The following BACH2 variants were observed in gnomAD, a reference collection of about 807,000 sequenced individuals.
BACH2 encodes the protein BACH transcriptional regulator 2.
In BACH2, 5 loss-of-function variants were observed where a neutral mutation model predicts 61.8. The observed-to-expected ratio is 0.08, with a 90% CI of 0.04 to 0.17. The LOEUF (loss-of-function observed/expected upper bound fraction) is 0.17, where lower values mean the gene tolerates loss of function less well. Among genes scored for constraint, BACH2 ranks in the 10% least tolerant of loss-of-function variants. BACH2 has a pLI of 1.00. For synonymous variants in BACH2, 446 were observed against 440.1 expected (o/e 1.01, Z -0.17); for missense variants, 824 against 1,091.1 (o/e 0.76, Z 3.45).
At chr6:90,001,793 T>C (rs1035815246) in intron 6 of BACH2, among the ~76,000 whole-genome samples, 2 of 152,168 alleles carry the variant, frequency 1.3e-5, no homozygotes, top group Admixed American at 6.5e-5. Context: ...AGTCTTCCTG[T>C]GTGTCTAGGA....
intron 5 of BACH2, among the ~76,000 whole-genome samples, chr6:90,076,946 A>G (rs934193208): frequency 1.3e-5 from 2 of 152,174 alleles, no homozygotes; most frequent in African/African-American, 4.8e-5. Flanking sequence ...TTAGCAATAA[A>G]CTTTAAAGCA....
At chr6:90,229,539 T>C (rs1018822014) in intron 3 of BACH2, among the ~76,000 whole-genome samples, 2 of 152,198 alleles carry the variant, frequency 1.3e-5, no homozygotes, top group Non-Finnish European at 1.5e-5. Context: ...GAGATTCTAA[T>C]GTGCATCAGA....
At chr6:90,199,302 G>A (rs1384577194) in intron 4 of BACH2, among the ~76,000 whole-genome samples, 2 of 152,154 alleles carry the variant, frequency 1.3e-5, no homozygotes, top group Non-Finnish European at 2.9e-5. Context: ...TGGGACTGAC[G>A]TAGAAGCATT....
intron 4 of BACH2, among the ~76,000 whole-genome samples, chr6:90,096,171 T>C (rs189848376): frequency 3.4e-4 from 52 of 152,362 alleles, no homozygotes; most frequent in Admixed American, 7.2e-4. Context: ...AAAATGGTTA[T>C]AGTTCATGAA....
intron 5 of BACH2, among the ~76,000 whole-genome samples, chr6:90,080,033 G>A (rs1030005511): frequency 6.6e-6 from 1 of 151,898 alleles, no homozygotes; most frequent in Non-Finnish European, 1.5e-5. Context: ...TGATCCGCAA[G>A]GCACGGGCAC....
At chr6:90,102,911 T>G (rs1782720704) in intron 4 of BACH2, among the ~76,000 whole-genome samples, 1 of 145,476 alleles carries the variant, frequency 6.9e-6, no homozygotes. Context: ...GCTAACCTAC[T>G]TCTTCTTTCC....
chr6:90,037,754 T>G (rs534143770), intron 5 of BACH2, among the ~76,000 whole-genome samples: 175 of 152,346 alleles, frequency 1.1e-3, no homozygotes, highest in African/African-American at 3.6e-3. Flanking sequence ...GTGGCCTTAT[T>G]TGGAAATAAT....
chr6:90,140,219 C>T (rs1318417620), intron 4 of BACH2, among the ~76,000 whole-genome samples: 4 of 152,186 alleles, frequency 2.6e-5, no homozygotes, highest in Admixed American at 2.0e-4. Context: ...ATAACTTAGT[C>T]GCATGGCCAG....
rs371610886 is a variant in BACH2, at chr6:89,983,965, T to A, written c.243+24637A>T. Among the ~76,000 whole-genome samples the A allele has an allele frequency of 1.1e-4, 16 of 152,358 alleles. 2 individuals carry two copies. The highest frequency in any genetic ancestry group is 6.5e-4 in the Admixed American group (10 of 15,306). ...CCGTTGCAACAACCTGGCTGTTGTC[T>A]CTTTCTTCCCCGATCCTTCCTTTGT... On this transcript the variant is annotated intron_variant, in intron 6 of 8. Transcript: ENST00000257749.
chr6:90,259,376 T>C (rs889411285), intron 2 of BACH2, among the ~76,000 whole-genome samples: 8 of 152,248 alleles, frequency 5.3e-5, no homozygotes, highest in African/African-American at 1.7e-4. Context: ...TCACTACTGA[T>C]TGATCTGCAG....
At chr6:90,049,656 T>G (rs575339076) in intron 5 of BACH2, among the ~76,000 whole-genome samples, 45 of 152,318 alleles carry the variant, frequency 3.0e-4, no homozygotes, top group African/African-American at 1.0e-3. Context: ...TATCAGTTCT[T>G]CACTACCATA....
intron 5 of BACH2, among the ~76,000 whole-genome samples, chr6:90,029,702 G>A (rs1778851093): frequency 1.3e-5 from 2 of 152,190 alleles, no homozygotes; most frequent in African/African-American, 2.4e-5. Context: ...ATCCCAACAG[G>A]TCCATATGTC....
chr6:90,172,305 CAAA>C (rs10713693), intron 4 of BACH2, among the ~76,000 whole-genome samples: 25 of 83,584 alleles, frequency 3.0e-4, no homozygotes, highest in Non-Finnish European at 3.1e-4. Flanking sequence ...GACTCCATCT[CAAA>C]AAAAAAAAAA....
Position 90,296,513 on chromosome 6 carries a change from C to G in BACH2, c.-479G>C, listed in dbSNP as rs2127898179. The G allele has an allele frequency of 6.6e-6, 1 of 151,802 alleles. No homozygotes were observed. Among genetic ancestry groups the G allele is most frequent in the South Asian group, 2.1e-4 (1 of 4,824 alleles). 9.4% of individuals were successfully genotyped at this position (151,802 alleles called of 1,614,324 possible). A position where few individuals can be genotyped will look rare whatever the true frequency, so the allele number is the denominator to read the frequency against. ...AGAACTTTGCGTCCTTTTCCGCCTC[C>G]TCTTCCCCGCGTCTTCCCGGCTCGC... On this transcript the variant is annotated 5_prime_UTR_variant, in exon 1 of 9. Coordinates refer to ENST00000257749, the MANE Select transcript of BACH2 (RefSeq NM_021813.4).
intron 6 of BACH2, among the ~76,000 whole-genome samples, chr6:89,974,404 A>G (rs758626177): frequency 1.3e-5 from 2 of 152,214 alleles, no homozygotes; most frequent in Admixed American, 1.3e-4. Context: ...TAAAAAAATC[A>G]TCATCATCAT....
intron 5 of BACH2, among the ~76,000 whole-genome samples, chr6:90,055,079 A>G (rs1335137904): frequency 3.3e-5 from 5 of 152,250 alleles, no homozygotes; most frequent in Non-Finnish European, 7.3e-5. Context: ...TCCTCCTTCA[A>G]AGGAACACAG....
intron 6 of BACH2, among the ~76,000 whole-genome samples, chr6:89,980,646 G>C (rs1162344905): frequency 6.6e-6 from 1 of 152,272 alleles, no homozygotes; most frequent in African/African-American, 2.4e-5. Context: ...TTGGCCCTGA[G>C]GACATTCACC....
chr6:90,117,517 T>C (rs1487170720), intron 4 of BACH2, among the ~76,000 whole-genome samples: 1 of 151,488 alleles, frequency 6.6e-6, no homozygotes, highest in African/African-American at 2.4e-5. Context: ...ATCACAGCAT[T>C]TGTCATTCCT....
chr6:90,162,404 C>T (rs1490519893), intron 4 of BACH2, among the ~76,000 whole-genome samples: 1 of 152,054 alleles, frequency 6.6e-6, no homozygotes, highest in Non-Finnish European at 1.5e-5. Flanking sequence ...TTTGGGAGGC[C>T]AAGGCAGGAG....
Sources: allele counts gnomAD v4.1 joint callset (sites outside exome capture counted in the v4.1 genomes callset), GRCh38; gene constraint gnomAD v4.1.1; transcripts MANE v1.5; gene names NCBI Gene and HGNC (gene_info 2026-07-23, HGNC 2026-07-21).